The following MYH11 variants were observed in gnomAD, a reference collection of about 807,000 sequenced individuals.
MYH11 encodes myosin heavy chain 11.
A neutral mutation model predicts 246.6 loss-of-function variants in MYH11; 80 were observed. That is an observed-to-expected ratio of 0.32 (90% confidence interval 0.27 to 0.39). The LOEUF is 0.39. Ranked by LOEUF, MYH11 falls within the 10% of genes least tolerant of loss-of-function variation. MYH11 has a pLI of 1.00. For missense variants in MYH11, 2,158 were observed against 2,546.8 expected (o/e 0.85, Z 3.29); for synonymous variants, 1,071 against 1,015.5 (o/e 1.05, Z -1.04).
At chr16:15,752,080 C>A (rs2041588015) in intron 15 of MYH11, among the ~76,000 whole-genome samples, 1 of 151,972 alleles carries the variant, frequency 6.6e-6, no homozygotes. Flanking sequence ...GTGTGAGCCA[C>A]CATGCGCAGC....
At position 15,729,558 on chromosome 16, in the gene MYH11, T is replaced by TC. The variant is rs1263255260; in HGVS notation, c.3652-2505_3652-2504insG. Among the ~76,000 whole-genome samples the TC allele has an allele frequency of 2.0e-5, 3 of 151,804 alleles. No individual in the cohort carries two copies. The East Asian group carries it at 5.8e-4, about 29-fold the overall frequency. On this transcript the variant is annotated intron_variant, in intron 27 of 40. Coordinates refer to ENST00000300036, the MANE Select transcript of MYH11 (RefSeq NM_002474.3). ...TCACTCTTCCAACCATAATTTTTTT[T>TC]TTTTTTTTTTGAAACTGAGTCTCAC... is the stretch of plus-strand genomic sequence containing the variant.
chr16:15,719,189 C>T (rs1263292886), intron 36 of MYH11, 31 bp downstream of exon 36: 2 of 1,604,832 alleles, frequency 1.2e-6, no homozygotes, highest in Non-Finnish European at 1.7e-6. Context: ...TCCTCTGCTT[C>T]AGAGCCCTCT....
intron 3 of MYH11, among the ~76,000 whole-genome samples, chr16:15,800,386 G>A (rs2042853230): frequency 6.6e-6 from 1 of 151,760 alleles, no homozygotes; most frequent in Non-Finnish European, 1.5e-5. Context: ...GTAGGTGGAC[G>A]AATAGATGGA....
At chr16:15,809,598 C>T (rs77114453) in intron 3 of MYH11, among the ~76,000 whole-genome samples, 7,803 of 151,830 alleles carry the variant, frequency 0.051, 621 homozygotes, top group African/African-American at 0.17. Context: ...GGGAGGACAC[C>T]GAGGGAGGTG....
intron 7 of MYH11, among the ~76,000 whole-genome samples, chr16:15,777,110 C>CACACAT (rs1443668406): frequency 2.0e-5 from 3 of 151,878 alleles, no homozygotes; most frequent in Non-Finnish European, 4.4e-5. Flanking sequence ...CACATACACA[C>CACACAT]ACACACACAC....
In MYH11 at chr16:15,778,812, G is replaced by A. The variant is rs745787304; in HGVS notation, c.758C>T (p.Thr253Met). 31 of 1,614,006 alleles carry A rather than the reference G, an allele frequency of 1.9e-5. No individual in the cohort carries two copies. Among genetic ancestry groups the A allele is most frequent in the African/African-American group, 5.3e-5 (4 of 74,902 alleles). ...GKFIRINFDV[T>M]GYIVGANIET... ...AATGTTGGCTCCCACGATGTAACCC[G>A]TGACGTCGAAGTTGATGCGGATGAA... The change falls in exon 7 of 41, where the codon ACG becomes ATG. Residue 253 changes from threonine (T) to methionine (M), a missense_variant. Thr to Met is a moderately conservative substitution (Grantham distance 81). Coordinates refer to ENST00000300036, the MANE Select transcript of MYH11 (RefSeq NM_002474.3).
At chr16:15,839,331 C>T (rs184022071) in intron 1 of MYH11, among the ~76,000 whole-genome samples, 81 of 152,268 alleles carry the variant, frequency 5.3e-4, no homozygotes, top group Non-Finnish European at 8.4e-4. Context: ...AAAGGCCACA[C>T]GCTCTATTAC....
chr16:15,711,771 T>C (rs867448299), intron 40 of MYH11, among the ~76,000 whole-genome samples: 2 of 152,090 alleles, frequency 1.3e-5, no homozygotes, highest in Non-Finnish European at 1.5e-5. Context: ...CAGCTCACTG[T>C]AACCTGTGTC....
chr16:15,724,324 A>T lies in MYH11; in HGVS notation c.4202T>A (p.Ile1401Asn), dbSNP rs765373729. 2 of 1,613,922 alleles carry T rather than the reference A, an allele frequency of 1.2e-6. No individual in the cohort carries two copies. The highest frequency in any genetic ancestry group is 2.7e-5 in the African/African-American group (2 of 74,872). Residue 1401 changes from isoleucine (I) to asparagine (N), a missense_variant, in exon 31 of 41, where the codon ATC (isoleucine) becomes AAC (asparagine). This residue lies in a region of MYH11 where 1,013 missense variants were observed against 993.5 expected (regional missense o/e 1.02). Coordinates refer to ENST00000300036, the MANE Select transcript of MYH11 (RefSeq NM_002474.3). The part of the protein sequence containing the change: ...EEGKKRFQKE[I>N]ENLTQQYEEK... ...CTCGTACTGCTGGGTGAGGTTCTCG[A>T]TCTCCTTCTGGAACCTCTTCTTCCC...
At chr16:15,765,776 T>C (rs1267298184) in intron 9 of MYH11, among the ~76,000 whole-genome samples, 2 of 152,198 alleles carry the variant, frequency 1.3e-5, no homozygotes, top group East Asian at 3.9e-4. Context: ...CCAAAATGAA[T>C]GAAGCTGCTG....
intron 3 of MYH11, among the ~76,000 whole-genome samples, chr16:15,813,842 G>T (rs11863378): frequency 6.9e-6 from 1 of 144,254 alleles, no homozygotes; most frequent in Non-Finnish European, 1.5e-5. Context: ...CAAAAGAGGG[G>T]GGAAAAGGCA....
chr16:15,836,184 C>T (rs2151379683), intron 2 of MYH11, among the ~76,000 whole-genome samples: 1 of 152,148 alleles, frequency 6.6e-6, no homozygotes, highest in East Asian at 1.9e-4. Context: ...GTTGGGTGAC[C>T]TCTGCACATC....
chr16:15,792,303 G>C (rs955131339), intron 4 of MYH11: 1 of 152,012 alleles, frequency 6.6e-6, no homozygotes, highest in East Asian at 1.9e-4. Context: ...CTCCTGCCTC[G>C]GCCCCCTAAA....
rs374027456 is a variant in MYH11, at chr16:15,727,001, G to T, written c.3705C>A (p.Asp1235Glu). The change falls in exon 28 of 41, where the codon GAC (aspartate) becomes GAA (glutamate). Residue 1235 changes from aspartate to glutamate, a missense_variant. Asp to Glu is a conservative substitution (Grantham distance 45, BLOSUM62 2). Around this residue, in one of 11 missense-constraint regions of MYH11, gnomAD observed 1,013 missense variants for 993.5 expected, o/e 1.02. Transcript: ENST00000300036. Reference sequence around the variant, plus strand: ...CCAGGACCCGCAGCTCCCCGGCCAGGTCTGCGTTCTCTTTCTCCAGCGTCT... The same window carrying T: ...CCAGGACCCGCAGCTCCCCGGCCAGTTCTGCGTTCTCTTTCTCCAGCGTCT... ...NKQTLEKENADLAGELRVLGQ... is the reference protein window; with the variant it reads ...NKQTLEKENAELAGELRVLGQ... 3.1e-6 allele frequency: 5 copies of T among 1,611,872 alleles called. No individual in the cohort carries two copies. In the African/African-American group the frequency reaches 6.7e-5, roughly 22 times the overall value.
chr16:15,753,698 G>A (rs567730781), intron 14 of MYH11, among the ~76,000 whole-genome samples, 190 bp from the exon 15 acceptor site: 3 of 152,120 alleles, frequency 2.0e-5, no homozygotes, highest in Non-Finnish European at 4.4e-5. Flanking sequence ...CTGTGCCCAC[G>A]TAGTAGGACA....
intron 25 of MYH11, among the ~76,000 whole-genome samples, chr16:15,737,183 G>A (rs1159781089): frequency 6.6e-6 from 1 of 152,164 alleles, no homozygotes; most frequent in Non-Finnish European, 1.5e-5. Context: ...CCTGGATGTC[G>A]AAGAGGCAGC....
chr16:15,785,143 C>T (rs1262301198), intron 5 of MYH11: 1 of 160,778 alleles, frequency 6.2e-6, no homozygotes, highest in African/African-American at 2.4e-5. Flanking sequence ...CCCCCATGCT[C>T]AGCCATTCCC....
chr16:15,794,267 A>G (rs1163841184), intron 4 of MYH11, among the ~76,000 whole-genome samples: 1 of 152,188 alleles, frequency 6.6e-6, no homozygotes, highest in Admixed American at 6.6e-5. Flanking sequence ...TCTTAACTGC[A>G]TAACCAAACA....
intron 2 of MYH11, among the ~76,000 whole-genome samples, chr16:15,833,415 G>C (rs117532890): frequency 0.016 from 2,438 of 147,886 alleles, 85 homozygotes; most frequent in African/African-American, 0.059. Flanking sequence ...AAGGAAGGGA[G>C]GAACGAACTA....
Sources: gnomAD v4.1 joint callset for allele counts (sites outside exome capture counted in the v4.1 genomes callset) on GRCh38, gnomAD v4.1.1 for gene constraint, gnomAD v4.1.1 regional missense constraint, MANE v1.5 for transcripts, NCBI Gene and HGNC (gene_info 2026-07-23, HGNC 2026-07-21) for gene names.